Variants in NR3C2 observed in about 807,000 individuals in gnomAD.
The protein encoded by NR3C2 is mineralocorticoid receptor.
Under a neutral mutation model 86.4 loss-of-function variants are expected in NR3C2, and 15 were observed. The ratio of observed to expected loss-of-function variants is 0.17; its 90% confidence interval spans 0.12 to 0.27. The LOEUF (loss-of-function observed/expected upper bound fraction) is 0.27. Ranked by LOEUF, NR3C2 falls within the 10% of genes least tolerant of loss-of-function variation. The probability of loss-of-function intolerance (pLI) is 1.00; values close to 1 mark genes in which losing one functional copy is unlikely to be tolerated. For missense variants in NR3C2, 960 were observed against 1,195.6 expected (o/e 0.80, Z 2.91); for synonymous variants, 458 against 450.5 (o/e 1.02, Z -0.21).
At chr4:148,087,203 C>T (rs147045480) in intron 8 of NR3C2, among the ~76,000 whole-genome samples, 2 of 152,254 alleles carry the variant, frequency 1.3e-5, no homozygotes, top group East Asian at 1.9e-4. Context: ...AGGAATACAA[C>T]ATACAAGGGA....
rs72645627 is a variant in NR3C2 at position 148,435,493 on chromosome 4, C to T, written c.1368G>A (p.Ser456=). The T allele has an allele frequency of 9.7e-5, 156 of 1,614,102 alleles. No individual in the cohort carries two copies. The highest frequency in any genetic ancestry group is 1.2e-4 in the Non-Finnish European group (147 of 1,180,026). The part of the protein sequence containing the change: ...TVNPFPFMDG[S]YFSFMDDKDY... ...CTTTATCATCCATAAAGGAAAAATA[C>T]GAGCCATCCATAAATGGAAACGGGT... Residue 456 remains serine (S), a synonymous_variant, in exon 2 of 9, where the codon TCG becomes TCA. Coordinates refer to ENST00000358102, the MANE Select transcript of NR3C2 (RefSeq NM_000901.5).
chr4:148,363,563 G>T (rs1745958879), intron 2 of NR3C2, among the ~76,000 whole-genome samples: 1 of 132,990 alleles, frequency 7.5e-6, no homozygotes, highest in Non-Finnish European at 1.6e-5. Flanking sequence ...GATTGCAGTG[G>T]CGCTATCTCA....
intron 2 of NR3C2, among the ~76,000 whole-genome samples, chr4:148,347,255 T>A (rs1164296293): frequency 3.0e-4 from 3 of 10,146 alleles, no homozygotes; most frequent in Non-Finnish European, 8.3e-3. Flanking sequence ...ACCTTCCAAC[T>A]GGCATGTATT....
chr4:148,369,389 T>C (rs1746304674), intron 2 of NR3C2, among the ~76,000 whole-genome samples: 1 of 152,210 alleles, frequency 6.6e-6, no homozygotes, highest in Non-Finnish European at 1.5e-5. Flanking sequence ...TATGTTTAAT[T>C]TGTATTTCCC....
intron 8 of NR3C2, among the ~76,000 whole-genome samples, chr4:148,110,472 C>T (rs540076411): frequency 2.8e-4 from 43 of 152,288 alleles, no homozygotes; most frequent in African/African-American, 6.5e-4. Context: ...ATAGAGCCAG[C>T]GCATTGTGTA....
chr4:148,172,913 A>G (rs1735199271), intron 4 of NR3C2, among the ~76,000 whole-genome samples: 1 of 152,230 alleles, frequency 6.6e-6, no homozygotes, highest in Non-Finnish European at 1.5e-5. Flanking sequence ...AACAAATTAT[A>G]AACATATATA....
At chr4:148,130,440 A>C (rs1732965926) in intron 6 of NR3C2, among the ~76,000 whole-genome samples, 3 of 152,230 alleles carry the variant, frequency 2.0e-5, no homozygotes, top group African/African-American at 7.2e-5. Flanking sequence ...GGTATGTAAG[A>C]CATCACTTTA....
At chr4:148,391,306 A>G (rs1265525144) in intron 2 of NR3C2, among the ~76,000 whole-genome samples, 1 of 152,204 alleles carries the variant, frequency 6.6e-6, no homozygotes, top group African/African-American at 2.4e-5. Flanking sequence ...TGTACATCTC[A>G]TATTTAAAGT....
intron 3 of NR3C2, among the ~76,000 whole-genome samples, chr4:148,220,676 G>C (rs1737790549): frequency 6.6e-6 from 1 of 152,150 alleles, no homozygotes; most frequent in Non-Finnish European, 1.5e-5. Context: ...TGCATCTGTA[G>C]TCTCAGGCAC....
At chr4:148,426,961 CTT>C (rs1047403564) in intron 2 of NR3C2, among the ~76,000 whole-genome samples, 1 of 145,498 alleles carries the variant, frequency 6.9e-6, no homozygotes. Flanking sequence ...TTTTCTTTTT[CTT>C]TTTTTTTTTT....
chr4:148,353,625 T>C (rs1023086538), intron 2 of NR3C2, among the ~76,000 whole-genome samples: 3 of 152,208 alleles, frequency 2.0e-5, no homozygotes, highest in Non-Finnish European at 4.4e-5. Context: ...AAGTTTTCTA[T>C]GATGAATGAG....
chr4:148,355,845 C>G (rs575327238), intron 2 of NR3C2, among the ~76,000 whole-genome samples: 1 of 152,186 alleles, frequency 6.6e-6, no homozygotes, highest in Non-Finnish European at 1.5e-5. Context: ...AGCAAAGTTT[C>G]GGTTTTGTAG....
At chr4:148,384,643 TA>T (rs1747174489) in intron 2 of NR3C2, among the ~76,000 whole-genome samples, 1 of 152,230 alleles carries the variant, frequency 6.6e-6, no homozygotes, top group African/African-American at 2.4e-5. Flanking sequence ...TTGTTCTATT[TA>T]GTGAAAATTA....
At chr4:148,185,257 A>G (rs946299526) in intron 4 of NR3C2, among the ~76,000 whole-genome samples, 8 of 152,226 alleles carry the variant, frequency 5.3e-5, no homozygotes, top group Non-Finnish European at 1.2e-4. Flanking sequence ...GTGACAGAGC[A>G]ATGGCTCCCA....
chr4:148,137,396 A>G (rs1733395565), intron 6 of NR3C2, among the ~76,000 whole-genome samples: 1 of 152,194 alleles, frequency 6.6e-6, no homozygotes. Context: ...TGACAATAAT[A>G]TCTGCTTTAA....
chr4:148,121,199 G>A (rs1732491016), intron 6 of NR3C2, among the ~76,000 whole-genome samples: 1 of 152,184 alleles, frequency 6.6e-6, no homozygotes, highest in Non-Finnish European at 1.5e-5. Context: ...CTGGATAGTG[G>A]ATCCATTAAA....
At chr4:148,257,427 G>C (rs1185267707) in intron 3 of NR3C2, among the ~76,000 whole-genome samples, 1 of 152,106 alleles carries the variant, frequency 6.6e-6, no homozygotes, top group African/African-American at 2.4e-5. Context: ...AAAATAGCAA[G>C]GCTATATTAT....
chr4:148,120,292 C>A lies in NR3C2; in HGVS notation c.2511-4G>T. The A allele has an allele frequency of 6.2e-7, 1 of 1,613,986 alleles. No homozygotes were observed. The highest frequency in any genetic ancestry group is 8.5e-7 in the Non-Finnish European group (1 of 1,179,930). ...GGCAGACTGATGCATCTTCTCTCTG[C>A]AAAGGAAAAGAAGAAAATGTCTGAG... On this transcript the variant is annotated splice_polypyrimidine_tract_variant and splice_region_variant and intron_variant, in intron 6 of 8. Coordinates refer to ENST00000358102, the MANE Select transcript of NR3C2 (RefSeq NM_000901.5).
chr4:148,296,688 T>C (rs1742071791), intron 2 of NR3C2, among the ~76,000 whole-genome samples: 1 of 152,190 alleles, frequency 6.6e-6, no homozygotes, highest in South Asian at 2.1e-4. Context: ...TTTCATTTTA[T>C]GCATAGCAAC....
Sources: gnomAD v4.1 joint callset for allele counts (sites outside exome capture counted in the v4.1 genomes callset) on GRCh38, gnomAD v4.1.1 for gene constraint, MANE v1.5 for transcripts, NCBI Gene and HGNC (gene_info 2026-07-23, HGNC 2026-07-21) for gene names.